Variants in MACROD2 observed in about 807,000 individuals in gnomAD.
MACROD2 encodes mono-ADP ribosylhydrolase 2, also known as ADP-ribose glycohydrolase MACROD2.
Under a neutral mutation model 70.4 loss-of-function variants are expected in MACROD2, and 36 were observed. The observed-to-expected ratio is 0.51, with a 90% CI of 0.39 to 0.68. The LOEUF is 0.68. Among genes scored for constraint, MACROD2 ranks in the 30% least tolerant of loss-of-function variants. The pLI is 0.00. For missense variants in MACROD2, 496 were observed against 538.4 expected (o/e 0.92, Z 0.78); for synonymous variants, 172 against 178.8 (o/e 0.96, Z 0.30).
chr20:15,166,968 A>T (rs461681), intron 5 of MACROD2, among the ~76,000 whole-genome samples: 14 of 150,608 alleles, frequency 9.3e-5, no homozygotes, highest in East Asian at 2.0e-4. Flanking sequence ...TTTAAGTATT[A>T]AATTTAAGTA....
chr20:14,006,789 G>T, intron 2 of MACROD2, among the ~76,000 whole-genome samples: 1 of 151,464 alleles, frequency 6.6e-6, no homozygotes, highest in African/African-American at 2.4e-5. Context: ...TTTATATTTT[G>T]AATTTTGCTT....
chr20:15,893,059 CAT>C (rs2064913632), intron 10 of MACROD2: 1 of 398,772 alleles, frequency 2.5e-6, no homozygotes. Context: ...TGAAAAGAAA[CAT>C]ATTTAATTTT....
intron 4 of MACROD2, among the ~76,000 whole-genome samples, chr20:14,558,011 T>A: frequency 6.6e-6 from 1 of 151,742 alleles, no homozygotes; most frequent in East Asian, 1.9e-4. Flanking sequence ...AATATATCCA[T>A]AAAATGGAAA....
chr20:14,579,092 T>C (rs1980812331), intron 4 of MACROD2, among the ~76,000 whole-genome samples: 1 of 151,082 alleles, frequency 6.6e-6, no homozygotes, highest in Admixed American at 6.6e-5. Context: ...CATAACACAT[T>C]CATTTTTTTT....
chr20:15,927,495 C>T (rs1430990610), intron 10 of MACROD2, among the ~76,000 whole-genome samples: 2 of 152,272 alleles, frequency 1.3e-5, no homozygotes, highest in Non-Finnish European at 1.5e-5. Flanking sequence ...TGACTTTGAT[C>T]TCCCACAGCC....
At chr20:15,633,662 A>G (rs2146756583) in intron 8 of MACROD2, among the ~76,000 whole-genome samples, 1 of 152,212 alleles carries the variant, frequency 6.6e-6, no homozygotes, top group South Asian at 2.1e-4. Context: ...TAATCAACAC[A>G]TTATTTTAAA....
intron 3 of MACROD2, among the ~76,000 whole-genome samples, chr20:14,489,947 G>T (rs2084776648): frequency 6.6e-6 from 1 of 150,852 alleles, no homozygotes; most frequent in South Asian, 2.1e-4. Flanking sequence ...TGCCACCTCT[G>T]CCTCCCAGGT....
intron 3 of MACROD2, among the ~76,000 whole-genome samples, chr20:14,426,571 GCTCGATTGGAGTTTT>G (rs1159931596): frequency 7.9e-5 from 12 of 152,250 alleles, no homozygotes; most frequent in African/African-American, 2.9e-4. Context: ...GGACAAAGTA[GCTCGATTGGAGTTTT>G]TGTGCATAAG....
At chr20:14,775,584 C>T (rs536792246) in intron 5 of MACROD2, among the ~76,000 whole-genome samples, 1 of 152,040 alleles carries the variant, frequency 6.6e-6, no homozygotes, top group African/African-American at 2.4e-5. Context: ...GGGATTCACC[C>T]CCATGTCTCT....
rs549417109 is a variant in MACROD2, at chr20:14,161,829, C to T, written c.271+76101C>T. Among the ~76,000 whole-genome samples the T allele has an allele frequency of 3.5e-4, 54 of 152,160 alleles. No homozygotes were observed. In the South Asian group the frequency reaches 4.6e-3, roughly 13 times the overall value. On this transcript the variant is annotated intron_variant, in intron 3 of 17. Transcript: ENST00000684519. ...CAGGATAGTCTCGATCTCCTGACCTCGTGATCCACCCACCTCAGCTCCCAA... is the reference window on the plus strand; with the variant it reads ...CAGGATAGTCTCGATCTCCTGACCTTGTGATCCACCCACCTCAGCTCCCAA...
In MACROD2 at chr20:14,132,708, G is replaced by A. The variant is rs138938073; in HGVS notation, c.271+46980G>A. On this transcript the variant is annotated intron_variant, in intron 3 of 17. Coordinates refer to ENST00000684519, the MANE Select transcript of MACROD2 (RefSeq NM_001351661.2). ...GCTGGAGTGCAGTGGCTCAATCTTA[G>A]CTCACTTCAGCCTTGAACCCCCCAG... Among the ~76,000 whole-genome samples the A allele has an allele frequency of 7.2e-5, 11 of 151,862 alleles. No homozygotes were observed. The East Asian group carries it at 2.2e-3, about 30-fold the overall frequency.
intron 5 of MACROD2, among the ~76,000 whole-genome samples, chr20:14,806,854 G>A (rs796782602): frequency 3.3e-5 from 5 of 152,194 alleles, no homozygotes; most frequent in African/African-American, 7.2e-5. Flanking sequence ...GCCCACCGCA[G>A]CACTGCATAG....
At chr20:15,271,314 C>T (rs139436562) in intron 6 of MACROD2, among the ~76,000 whole-genome samples, 3 of 152,276 alleles carry the variant, frequency 2.0e-5, no homozygotes, top group Admixed American at 1.3e-4. Flanking sequence ...TAGAAGGGCG[C>T]TAATCCCATT....
At chr20:15,639,141 G>C (rs937045436) in intron 8 of MACROD2, among the ~76,000 whole-genome samples, 2 of 152,168 alleles carry the variant, frequency 1.3e-5, no homozygotes, top group Non-Finnish European at 2.9e-5. Flanking sequence ...TTCTAAGAAG[G>C]CTTCACTTCA....
intron 2 of MACROD2, among the ~76,000 whole-genome samples, chr20:14,025,177 GT>G (rs1225015602): frequency 6.6e-6 from 1 of 151,938 alleles, no homozygotes; most frequent in Non-Finnish European, 1.5e-5. Context: ...ATAGTATTCT[GT>G]GATAGTAGTT....
At chr20:15,328,096 G>A (rs2077951824) in intron 6 of MACROD2, among the ~76,000 whole-genome samples, 1 of 152,030 alleles carries the variant, frequency 6.6e-6, no homozygotes, top group Non-Finnish European at 1.5e-5. Context: ...GTCCAAGGTG[G>A]GGATGTCACT....
chr20:15,470,023 T>C (rs1600457732), intron 7 of MACROD2, among the ~76,000 whole-genome samples: 1 of 152,228 alleles, frequency 6.6e-6, no homozygotes, highest in East Asian at 1.9e-4. Flanking sequence ...AGTAAGTCTA[T>C]TTATCTTTCT....
At chr20:14,720,561 T>TG (rs2071454108) in intron 5 of MACROD2, among the ~76,000 whole-genome samples, 1 of 106,652 alleles carries the variant, frequency 9.4e-6, no homozygotes, top group African/African-American at 4.0e-5. Context: ...TTTTTTTTTT[T>TG]TTTTTTTTTG....
chr20:14,567,289 G>A (rs1477422929), intron 4 of MACROD2, among the ~76,000 whole-genome samples: 1 of 152,008 alleles, frequency 6.6e-6, no homozygotes, highest in Non-Finnish European at 1.5e-5. Context: ...AGAGGATATT[G>A]TATGTTGGGA....
Sources: allele counts gnomAD v4.1 joint callset (sites outside exome capture counted in the v4.1 genomes callset), GRCh38; gene constraint gnomAD v4.1.1; transcripts MANE v1.5; gene names NCBI Gene and HGNC (gene_info 2026-07-23, HGNC 2026-07-21).